The following ABCA7 variants were observed in gnomAD, a reference collection of about 807,000 sequenced individuals.
The protein encoded by ABCA7 is phospholipid-transporting ATPase ABCA7.
In ABCA7, 261 loss-of-function variants were observed where a neutral mutation model predicts 227.6. That is an observed-to-expected ratio of 1.15 (90% CI 1.04 to 1.27). ABCA7 has a LOEUF of 1.27. ABCA7 is among the 50% of genes most tolerant of loss of function. The probability of loss-of-function intolerance (pLI) is 0.00; values close to 1 mark genes in which losing one functional copy is unlikely to be tolerated. For missense variants in ABCA7, 3,331 were observed against 2,924.5 expected (o/e 1.14, Z -3.21); for synonymous variants, 1,488 against 1,279.7 (o/e 1.16, Z -3.47).
intron 40 of ABCA7, among the ~76,000 whole-genome samples, chr19:1,060,209 T>TATATATATATATATATATATA (rs3971800): frequency 3.0e-5 from 1 of 33,842 alleles, no homozygotes; most frequent in African/African-American, 1.3e-4. Flanking sequence ...ATATATATAT[T>TATATATATATATATATATATA]TTTTTTTCTT....
At position 1,056,023 on chromosome 19, in the gene ABCA7, C is replaced by G; in HGVS notation, c.4239-43C>G. Reference sequence around the variant, plus strand: ...TGCCCCCTGGGAGCTCTCCCGGCCCCCCCGGCCCTCAGCTCCCCTTCCCTG... The same window carrying G: ...TGCCCCCTGGGAGCTCTCCCGGCCCGCCCGGCCCTCAGCTCCCCTTCCCTG... On this transcript the variant is annotated intron_variant, in intron 31 of 46. Coordinates refer to ENST00000263094, the MANE Select transcript of ABCA7 (RefSeq NM_019112.4). The surrounding 1 kb of genome is among the most constrained non-coding windows in gnomAD (Gnocchi z 4.3). 1.9e-6 allele frequency: 3 copies of G among 1,559,864 alleles called. No homozygotes were observed. The highest frequency in any genetic ancestry group is 1.7e-6 in the Non-Finnish European group (2 of 1,149,482).
In ABCA7 at chr19:1,059,101, G is replaced by T. The variant is rs2042479995; in HGVS notation, c.5463+16G>T. 1 of 1,610,220 alleles carries T rather than the reference G, an allele frequency of 6.2e-7. No individual in the cohort carries two copies. Among genetic ancestry groups the T allele is most frequent in the Middle Eastern group, 1.9e-4 (1 of 5,156 alleles). ...CCCTGGTGAGGTGAGTCCAGGGGTG[G>T]AGGCCAGGTGCAGGGACAGTGAGTG... On this transcript the variant is annotated intron_variant, in intron 40 of 46. Transcript: ENST00000263094.
At chr19:1,050,041 C>T (rs1329047658) in intron 18 of ABCA7, among the ~76,000 whole-genome samples, 1 of 145,716 alleles carries the variant, frequency 6.9e-6, no homozygotes, top group Non-Finnish European at 1.5e-5. Flanking sequence ...CCCTGTGAGG[C>T]CCCCGACCAG....
rs774198527 is a variant in ABCA7 at position 1,049,362 on chromosome 19, G to T, written c.2477G>T (p.Gly826Val). 22 of 1,611,382 alleles carry T rather than the reference G, an allele frequency of 1.4e-5. No homozygotes were observed. Among genetic ancestry groups the T allele is most frequent in the Non-Finnish European group, 1.8e-5 (21 of 1,179,204 alleles). The change falls in exon 18 of 47, where the codon GGG (glycine) becomes GTG (valine). Residue 826 changes from glycine (G) to valine (V), a missense_variant. Coordinates refer to ENST00000263094, the MANE Select transcript of ABCA7 (RefSeq NM_019112.4). ...GGAAGCCCGCAGCCAGCCCTGCGGG[G>T]GCTCAGCCTGGACTTCTACCAGGGC... The part of the protein sequence containing the change: ...FPGSPQPALR[G>V]LSLDFYQGHI...
At chr19:1,064,899 C>G (rs1423062083) in intron 45 of ABCA7, 32 bp from the exon 46 acceptor site, 2 of 1,547,504 alleles carry the variant, frequency 1.3e-6, no homozygotes, top group Non-Finnish European at 1.7e-6. Context: ...GGGAAAGGCC[C>G]GATCCGGTAG....
At position 1,054,721 on chromosome 19, in the gene ABCA7, G is replaced by A. The variant is rs377229456; in HGVS notation, c.3851+27G>A. On this transcript the variant is annotated intron_variant, in intron 28 of 46. Coordinates refer to ENST00000263094, the MANE Select transcript of ABCA7 (RefSeq NM_019112.4). The surrounding 1 kb of genome is among the most constrained non-coding windows in gnomAD (Gnocchi z 4.8). ...TGGGTGCAGAAGGAAGGGGCTGGTG[G>A]CAGGAAGACTAGGGACCTGGGGGTA... 869 of 1,608,240 alleles carry A rather than the reference G, an allele frequency of 5.4e-4. No individual in the cohort carries two copies. Among genetic ancestry groups the A allele is most frequent in the Non-Finnish European group, 6.3e-4 (745 of 1,175,854 alleles).
Position 1,051,552 on chromosome 19 carries a change from C to A in ABCA7, c.2928C>A (p.Arg976=), listed in dbSNP as rs112434834. The change falls in exon 21 of 47, where the codon CGC becomes CGA. Residue 976 remains arginine, a synonymous_variant. Transcript: ENST00000263094. ...CTGGCGTGGATCCTGCTTCCCGCCG[C>A]GGTATTTGGGAGCTGCTGCTCAAAT... ...PTAGVDPASR[R]GIWELLLKYR... is the part of the protein sequence containing the mutation. The A allele has an allele frequency of 1.9e-6, 3 of 1,612,434 alleles. No individual in the cohort carries two copies. In the African/African-American group the frequency reaches 4.0e-5, roughly 22 times the overall value.
chr19:1,051,276 C>T lies in ABCA7; in HGVS notation c.2806C>T (p.Gln936Ter). The part of the protein sequence containing the change: ...DVGLVSKQSV[Q>*]TRHLSGGMQR... The stretch of plus-strand genomic sequence containing the variant: ...GGGGCTGGTCTCCAAGCAGAGTGTG[C>T]AGACTCGCCACCTCTCTGGTGAGCC... The change falls in exon 20 of 47, where the codon CAG becomes TAG. Residue 936 changes from glutamine (Q) to a stop codon, truncating the protein, a stop_gained. Transcript: ENST00000263094. LOFTEE classifies it high-confidence loss of function. 1 of 1,600,984 alleles carries T rather than the reference C, an allele frequency of 6.2e-7. No homozygotes were observed. The highest frequency in any genetic ancestry group is 8.5e-7 in the Non-Finnish European group (1 of 1,174,302).
intron 46 of ABCA7, 43 bp from the exon 47 acceptor site, chr19:1,065,227 G>A (rs757217963): frequency 1.2e-6 from 2 of 1,607,706 alleles, no homozygotes; most frequent in East Asian, 2.2e-5. Flanking sequence ...CAGGCCCGTG[G>A]GCTGACCGTC....
chr19:1,042,079 A>G lies in ABCA7; in HGVS notation c.318A>G (p.Leu106=), dbSNP rs1599546933. The change falls in exon 5 of 47, where the codon CTA becomes CTG. Residue 106 remains leucine (L), a synonymous_variant. Coordinates refer to ENST00000263094, the MANE Select transcript of ABCA7 (RefSeq NM_019112.4). ...CTGTCCCCAGGGTCTCCCGGCTGCT[A>G]GCCGATGCCCGCACTGTGCTGGGAG... ...NFNDSLVSRL[L]ADARTVLGGA... The G allele has an allele frequency of 6.9e-6, 11 of 1,595,354 alleles. No individual in the cohort carries two copies. In the East Asian group the frequency reaches 2.2e-4, roughly 33 times the overall value.
In ABCA7 at chr19:1,065,133, G is replaced by T. The variant is rs376356179; in HGVS notation, c.6247G>T (p.Val2083Leu). 1 of 1,591,208 alleles carries T rather than the reference G, an allele frequency of 6.3e-7. No homozygotes were observed. The highest frequency in any genetic ancestry group is 1.7e-5 in the Admixed American group (1 of 57,964). Residue 2083 changes from valine (V) to leucine (L), a missense_variant, in exon 46 of 47, where the codon GTG becomes TTG. By Grantham distance (32) the Val-to-Leu change is conservative. Coordinates refer to ENST00000263094, the MANE Select transcript of ABCA7 (RefSeq NM_019112.4). ...GGCGGTGCACGGCGCAGAGCACGGCGTGGAGGACTTTTCCGTGAGCCAGAC... is the reference window on the plus strand; with the variant it reads ...GGCGGTGCACGGCGCAGAGCACGGCTTGGAGGACTTTTCCGTGAGCCAGAC... ...ELAVHGAEHG[V>L]EDFSVSQTML...
chr19:1,046,136 G>C, intron 12 of ABCA7, 94 bp from the exon 13 acceptor site: 21 of 1,426,404 alleles, frequency 1.5e-5, no homozygotes, highest in Non-Finnish European at 1.9e-5. Context: ...CTGGGCGACA[G>C]AGCAAGACCC....
At chr19:1,063,176 A>G (rs112619103) in intron 42 of ABCA7, among the ~76,000 whole-genome samples, 1 of 119,826 alleles carries the variant, frequency 8.3e-6, no homozygotes, top group African/African-American at 3.3e-5. Context: ...CACCCACACC[A>G]TGGCCCCGCC....
At chr19:1,053,709 G>A (rs982342984) in intron 24 of ABCA7, 79 bp from the exon 25 acceptor site, 13 of 1,559,052 alleles carry the variant, frequency 8.3e-6, no homozygotes, top group South Asian at 1.2e-5. Context: ...GACCCATGGT[G>A]TAGGAGGGGT....
In ABCA7 at chr19:1,043,346, C is replaced by G. The variant is rs779219188; in HGVS notation, c.803C>G (p.Ser268Trp). ...ACCCCCATCCCAGGCCCCGCCTGCT[C>G]GGAGCTGATTGGAGCCCTGGACAGC... Reference protein sequence around the residue: ...LPDSSLSPACSELIGALDSHP... With the variant: ...LPDSSLSPACWELIGALDSHP... The change falls in exon 9 of 47, where the codon TCG becomes TGG. Residue 268 changes from serine (S) to tryptophan (W), a missense_variant. Physicochemically the swap from Ser to Trp is radical, Grantham distance 177. Coordinates refer to ENST00000263094, the MANE Select transcript of ABCA7 (RefSeq NM_019112.4). The G allele has an allele frequency of 6.2e-7, 1 of 1,613,038 alleles. No individual in the cohort carries two copies. The highest frequency in any genetic ancestry group is 8.5e-7 in the Non-Finnish European group (1 of 1,179,962).
At chr19:1,050,244 A>C (rs2041428496) in intron 18 of ABCA7, among the ~76,000 whole-genome samples, 1 of 151,318 alleles carries the variant, frequency 6.6e-6, no homozygotes, top group Non-Finnish European at 1.5e-5. Flanking sequence ...AACCATCTCT[A>C]CTAAAAATAC....
In ABCA7 at chr19:1,046,991, G is replaced by A. The variant is rs1203441012; in HGVS notation, c.1812G>A (p.Leu604=). The A allele has an allele frequency of 1.5e-5, 24 of 1,577,132 alleles. No individual in the cohort carries two copies. Among genetic ancestry groups the A allele is most frequent in the African/African-American group, 2.7e-5 (2 of 74,038 alleles). ...TCCTCAGCTGCCTCGGGCCCTTCCT[G>A]CTCAGCGCCGCACTGCTGGTTCTGG... ...GWFLSCLGPF[L]LSAALLVLVL... Residue 604 remains leucine (L), a synonymous_variant, in exon 14 of 47, where the codon CTG becomes CTA. Transcript: ENST00000263094.
At chr19:1,050,177 G>A (rs937242628) in intron 18 of ABCA7, among the ~76,000 whole-genome samples, 2 of 151,554 alleles carry the variant, frequency 1.3e-5, no homozygotes, top group Non-Finnish European at 2.9e-5. Flanking sequence ...TGGGCAAGCC[G>A]AGGTGGGAGG....
chr19:1,061,711 A>AG (rs1237984099), intron 40 of ABCA7, 71 bp from the exon 41 acceptor site: 3 of 1,450,314 alleles, frequency 2.1e-6, no homozygotes, highest in African/African-American at 1.5e-5. Context: ...AAAAAAAAAA[A>AG]AAAAGAAATC....
Sources: allele counts gnomAD v4.1 joint callset (sites outside exome capture counted in the v4.1 genomes callset), GRCh38; gene constraint gnomAD v4.1.1; non-coding constraint Gnocchi (gnomAD v3.1); transcripts MANE v1.5; gene names NCBI Gene and HGNC (gene_info 2026-07-23, HGNC 2026-07-21).